Variants in GMEB2 observed in about 807,000 individuals in gnomAD.
GMEB2 encodes the protein glucocorticoid modulatory element-binding protein 2.
Under a neutral mutation model 45.7 loss-of-function variants are expected in GMEB2, and 7 were observed. The observed-to-expected ratio is 0.15, with a 90% CI of 0.09 to 0.29. The LOEUF (loss-of-function observed/expected upper bound fraction) is 0.29. Ranked by LOEUF, GMEB2 falls within the 10% of genes least tolerant of loss-of-function variation. GMEB2 has a pLI of 1.00. For missense variants in GMEB2, 582 were observed against 739.2 expected (o/e 0.79, Z 2.47); for synonymous variants, 322 against 323.6 (o/e 1.00, Z 0.05).
chr20:63,592,581 T>A lies in GMEB2; in HGVS notation c.781A>T (p.Met261Leu). The A allele has an allele frequency of 6.2e-7, 1 of 1,612,256 alleles. No individual in the cohort carries two copies. Among genetic ancestry groups the A allele is most frequent in the Non-Finnish European group, 8.5e-7 (1 of 1,178,480 alleles). ...TGGACCCGCTGCTGCAGGCCTCTCA[T>A]GGTCTCCACCAGCTCCTGGTGGAAC... ...QEFHQELVET[M>L]RGLQQRVQDP... Residue 261 changes from methionine (M) to leucine (L), a missense_variant, in exon 8 of 10, where the codon ATG becomes TTG. By Grantham distance (15) the Met-to-Leu change is conservative. Coordinates refer to ENST00000370077, the MANE Select transcript of GMEB2 (RefSeq NM_012384.5). The surrounding 1 kb of genome is among the most constrained non-coding windows in gnomAD (Gnocchi z 8.2).
rs779412810 is a variant in GMEB2, at chr20:63,619,590, C to T, written c.-57-136G>A. On this transcript the variant is annotated intron_variant, in intron 1 of 9. Transcript: ENST00000370077. This position sits in a 1 kb window ranked among gnomAD's most constrained non-coding sequence, Gnocchi z 4.6. Reference sequence around the variant, plus strand: ...ACTGCTACCTCCTGACAAAAACGAGCGGCAACAGAAGGGCTACTCCAGGCT... The same window carrying T: ...ACTGCTACCTCCTGACAAAAACGAGTGGCAACAGAAGGGCTACTCCAGGCT... 1.2e-4 allele frequency: 60 copies of T among 499,568 alleles called. No homozygotes were observed. Among genetic ancestry groups the T allele is most frequent in the Non-Finnish European group, 1.6e-4 (45 of 283,736 alleles). The allele number at this position is 499,568 out of a possible 1,614,324, so 30.9% of individuals were successfully genotyped here. A position where few individuals can be genotyped will look rare whatever the true frequency, so the allele number is the denominator to read the frequency against.
rs1349325412 is a variant in GMEB2, at chr20:63,592,663, T to C, written c.699A>G (p.Thr233=). The change falls in exon 8 of 10, where the codon ACA becomes ACG. Residue 233 remains threonine (T), a synonymous_variant. Transcript: ENST00000370077. This position sits in a 1 kb window ranked among gnomAD's most constrained non-coding sequence, Gnocchi z 8.2. The part of the protein sequence containing the change: ...GDWTAAIGDD[T]FTFWRGLKDA... ...CCTTCAGCCCCCGCCAGAAGGTAAATGTGTCATCTGTGAGGGAAGGAGTGG... is the reference window on the plus strand; with the variant it reads ...CCTTCAGCCCCCGCCAGAAGGTAAACGTGTCATCTGTGAGGGAAGGAGTGG... The C allele has an allele frequency of 1.2e-6, 2 of 1,613,262 alleles. No individual in the cohort carries two copies. The highest frequency in any genetic ancestry group is 1.7e-6 in the Non-Finnish European group (2 of 1,179,438).
At chr20:63,591,702 T>G (rs1454967037) in intron 9 of GMEB2, among the ~76,000 whole-genome samples, 1 of 152,178 alleles carries the variant, frequency 6.6e-6, no homozygotes, top group African/African-American at 2.4e-5. Context: ...TAGCCTGAAG[T>G]GATCCGCCCG....
rs535253760 is a variant in GMEB2 at position 63,592,645 on chromosome 20, C to G, written c.717G>C (p.Gly239=). 9 of 1,612,350 alleles carry G rather than the reference C, an allele frequency of 5.6e-6. No homozygotes were observed. The African/African-American group carries it at 8.0e-5, about 14-fold the overall frequency. The part of the protein sequence containing the change: ...IGDDTFTFWR[G]LKDAGLLDEV... Reference sequence around the variant, plus strand: ...CGTCCAGCAGGCCGGCGTCCTTCAGCCCCCGCCAGAAGGTAAATGTGTCAT... The same window carrying G: ...CGTCCAGCAGGCCGGCGTCCTTCAGGCCCCGCCAGAAGGTAAATGTGTCAT... The change falls in exon 8 of 10, where the codon GGG becomes GGC. Residue 239 remains glycine, a synonymous_variant. Transcript: ENST00000370077. This position sits in a 1 kb window ranked among gnomAD's most constrained non-coding sequence, Gnocchi z 8.2.
In GMEB2 at chr20:63,589,725, G is replaced by A. The variant is rs781285279; in HGVS notation, c.*364C>T. 3 of 209,068 alleles carry A rather than the reference G, an allele frequency of 1.4e-5. No individual in the cohort carries two copies. Among genetic ancestry groups the A allele is most frequent in the Non-Finnish European group, 2.8e-5 (3 of 105,924 alleles). The allele number at this position is 209,068 out of a possible 1,614,324, so 13.0% of individuals were successfully genotyped here. On this transcript the variant is annotated 3_prime_UTR_variant, in exon 10 of 10. Transcript: ENST00000370077. ...CCGCGTCCAGCACCTGCAGGGTCGC[G>A]CTCGGCACCTGGCTCTGCTTCCTCT...
intron 9 of GMEB2, 122 bp from the exon 10 acceptor site, chr20:63,590,851 G>C: frequency 3.6e-6 from 2 of 554,892 alleles, no homozygotes; most frequent in Non-Finnish European, 6.0e-6. Flanking sequence ...ACCCAGGTCT[G>C]CTCACCTGAT....
intron 2 of GMEB2, among the ~76,000 whole-genome samples, chr20:63,609,934 C>T (rs2089556438): frequency 6.6e-6 from 1 of 151,986 alleles, no homozygotes; most frequent in Non-Finnish European, 1.5e-5. Flanking sequence ...ACCCCACCTC[C>T]ATTTCTAGAA....
At chr20:63,610,407 G>GCTAC (rs929429710) in intron 2 of GMEB2, among the ~76,000 whole-genome samples, 4 of 152,170 alleles carry the variant, frequency 2.6e-5, no homozygotes, top group Non-Finnish European at 5.9e-5. Flanking sequence ...TGTAGGCCCA[G>GCTAC]CTACTCAGGA....
At position 63,593,998 on chromosome 20, in the gene GMEB2, C is replaced by T. The variant is rs2083173755; in HGVS notation, c.620-916G>A. On this transcript the variant is annotated intron_variant, in intron 6 of 9. Coordinates refer to ENST00000370077, the MANE Select transcript of GMEB2 (RefSeq NM_012384.5). This position sits in a 1 kb window ranked among gnomAD's most constrained non-coding sequence, Gnocchi z 4.7. ...TCAGGCCCCTGCACTCCAGCCTGGGCGACAGAGCAGGACTCCTTCTCCAAC... is the reference window on the plus strand; with the variant it reads ...TCAGGCCCCTGCACTCCAGCCTGGGTGACAGAGCAGGACTCCTTCTCCAAC... Among the ~76,000 whole-genome samples, 1 of 152,188 alleles carries T rather than the reference C, an allele frequency of 6.6e-6. No individual in the cohort carries two copies. Among genetic ancestry groups the T allele is most frequent in the African/African-American group, 2.4e-5 (1 of 41,466 alleles).
At chr20:63,595,357 T>C (rs1323186809) in intron 6 of GMEB2, among the ~76,000 whole-genome samples, 2 of 152,186 alleles carry the variant, frequency 1.3e-5, no homozygotes, top group African/African-American at 4.8e-5. Flanking sequence ...CGTGAGTTAT[T>C]ATATTACAAC....
At chr20:63,606,875 T>A (rs535715633) in intron 2 of GMEB2, among the ~76,000 whole-genome samples, 1 of 152,170 alleles carries the variant, frequency 6.6e-6, no homozygotes, top group Non-Finnish European at 1.5e-5. Flanking sequence ...ATGAGGCCAC[T>A]TTCCCCTAGA....
rs969269911 is a variant in GMEB2 at position 63,588,917 on chromosome 20, G to C, written c.*1172C>G. 2 of 398,756 alleles carry C rather than the reference G, an allele frequency of 5.0e-6. No individual in the cohort carries two copies. The highest frequency in any genetic ancestry group is 8.8e-6 in the Non-Finnish European group (2 of 226,238). The allele number at this position is 398,756 out of a possible 1,614,324, so 24.7% of individuals were successfully genotyped here. Reference sequence around the variant, plus strand: ...AAGGCCAGGTCTCAGGACAGCCACAGACAGCCCTTCCAGACAGGCTCTGGG... The same window carrying C: ...AAGGCCAGGTCTCAGGACAGCCACACACAGCCCTTCCAGACAGGCTCTGGG... On this transcript the variant is annotated 3_prime_UTR_variant, in exon 10 of 10. Transcript: ENST00000370077.
In GMEB2 at chr20:63,592,573, G is replaced by A. The variant is rs151280948; in HGVS notation, c.789C>T (p.Gly263=). The change falls in exon 8 of 10, where the codon GGC becomes GGT. Residue 263 remains glycine, a synonymous_variant. Coordinates refer to ENST00000370077, the MANE Select transcript of GMEB2 (RefSeq NM_012384.5). The surrounding 1 kb of genome is among the most constrained non-coding windows in gnomAD (Gnocchi z 8.2). ...GAGGGTCCTGGACCCGCTGCTGCAG[G>A]CCTCTCATGGTCTCCACCAGCTCCT... ...FHQELVETMR[G]LQQRVQDPPL... is the part of the protein sequence containing the mutation. 2.5e-6 allele frequency: 4 copies of A among 1,611,618 alleles called. No homozygotes were observed. The highest frequency in any genetic ancestry group is 2.7e-5 in the African/African-American group (2 of 74,898).
In GMEB2 at chr20:63,619,606, A is replaced by C; in HGVS notation, c.-57-152T>G. On this transcript the variant is annotated intron_variant, in intron 1 of 9. Coordinates refer to ENST00000370077, the MANE Select transcript of GMEB2 (RefSeq NM_012384.5). The surrounding 1 kb of genome is among the most constrained non-coding windows in gnomAD (Gnocchi z 4.6). ...AAAAACGAGCGGCAACAGAAGGGCT[A>C]CTCCAGGCTCTGGTTCCGAGGGCGG... The C allele has an allele frequency of 2.2e-6, 1 of 463,424 alleles. No individual in the cohort carries two copies. The highest frequency in any genetic ancestry group is 3.9e-6 in the Non-Finnish European group (1 of 258,256). 28.7% of individuals were successfully genotyped at this position (463,424 alleles called of 1,614,324 possible).
At chr20:63,624,572 TA>T (rs779998084) in intron 1 of GMEB2, among the ~76,000 whole-genome samples, 3 of 152,246 alleles carry the variant, frequency 2.0e-5, no homozygotes, top group Non-Finnish European at 4.4e-5. Context: ...TAAAGTCATT[TA>T]AGCAGAGAGC....
chr20:63,604,328 T>C (rs1442456019), intron 3 of GMEB2, among the ~76,000 whole-genome samples: 2 of 148,090 alleles, frequency 1.4e-5, no homozygotes, highest in Non-Finnish European at 3.0e-5. Context: ...TGGTGAACGG[T>C]GATCGTGCCA....
chr20:63,597,254 A>G (rs1391964981), intron 5 of GMEB2, among the ~76,000 whole-genome samples: 1 of 143,728 alleles, frequency 7.0e-6, no homozygotes, highest in African/African-American at 2.6e-5. Context: ...CTTGACTTCC[A>G]GGCTCCAGTG....
rs6122484 is a variant in GMEB2, at chr20:63,600,478, G to C, written c.357+2487C>G. Among the ~76,000 whole-genome samples the C allele has an allele frequency of 7.1e-3, 1,074 of 151,620 alleles. 34 individuals are homozygous for C. In the East Asian group the frequency reaches 0.085, roughly 12 times the overall value. On this transcript the variant is annotated intron_variant, in intron 4 of 9. Coordinates refer to ENST00000370077, the MANE Select transcript of GMEB2 (RefSeq NM_012384.5). ...CACGCCTGTAATCCCAGCACTTTGG[G>C]AGGCCAAGGCGGGCAGGTCACCTGA...
chr20:63,590,932 C>T (rs1029641035), intron 9 of GMEB2, among the ~76,000 whole-genome samples: 2 of 152,134 alleles, frequency 1.3e-5, no homozygotes, highest in Non-Finnish European at 2.9e-5. Flanking sequence ...AGATGGCCCT[C>T]GGGGTAGACA....
Sources: allele counts gnomAD v4.1 joint callset (sites outside exome capture counted in the v4.1 genomes callset), GRCh38; gene constraint gnomAD v4.1.1; non-coding constraint Gnocchi (gnomAD v3.1); transcripts MANE v1.5; gene names NCBI Gene and HGNC (gene_info 2026-07-23, HGNC 2026-07-21).